GSK3B: variants seen among roughly 807,000 people sequenced by gnomAD.
GSK3B encodes glycogen synthase kinase-3 beta.
A neutral mutation model predicts 56.4 loss-of-function variants in GSK3B; 15 were observed. The observed-to-expected ratio is 0.27, with a 90% CI of 0.18 to 0.41. The LOEUF is 0.41. Among genes scored for constraint, GSK3B ranks in the 10% least tolerant of loss-of-function variants. The pLI is 1.00. For missense variants in GSK3B, 300 were observed against 513.4 expected (o/e 0.58, Z 4.02); for synonymous variants, 181 against 188.9 (o/e 0.96, Z 0.34).
At chr3:119,844,147 C>A (rs898493783) in intron 9 of GSK3B, among the ~76,000 whole-genome samples, 3 of 152,012 alleles carry the variant, frequency 2.0e-5, no homozygotes, top group African/African-American at 7.2e-5. Context: ...CACAACATAC[C>A]AGAATCTCTG....
chr3:120,052,879 C>G (rs2058161751), intron 1 of GSK3B, among the ~76,000 whole-genome samples: 1 of 152,136 alleles, frequency 6.6e-6, no homozygotes, highest in Admixed American at 6.5e-5. Flanking sequence ...ACCTCAATAG[C>G]CGTGTGAGAT....
chr3:119,830,981 C>T (rs942706402), intron 10 of GSK3B, among the ~76,000 whole-genome samples: 1 of 152,144 alleles, frequency 6.6e-6, no homozygotes. Context: ...CCAACATCAT[C>T]ACCAAAGTAA....
At chr3:119,906,884 A>G (rs185534250) in intron 6 of GSK3B, among the ~76,000 whole-genome samples, 1 of 152,214 alleles carries the variant, frequency 6.6e-6, no homozygotes, top group East Asian at 1.9e-4. Flanking sequence ...GAGAGACTGG[A>G]AATCGTTGCT....
intron 10 of GSK3B, among the ~76,000 whole-genome samples, chr3:119,836,173 G>T (rs972367925): frequency 3.3e-5 from 5 of 152,198 alleles, no homozygotes; most frequent in African/African-American, 1.2e-4. Context: ...TGATTTTGTG[G>T]CTAAAGTCTT....
intron 1 of GSK3B, among the ~76,000 whole-genome samples, chr3:120,088,049 C>T (rs369366929): frequency 1.5e-4 from 23 of 152,262 alleles, no homozygotes; most frequent in East Asian, 7.7e-4. Context: ...CACACCACCA[C>T]GCCCCCGCTA....
At chr3:119,829,668 T>C (rs747263412) in intron 10 of GSK3B, among the ~76,000 whole-genome samples, 18 of 152,240 alleles carry the variant, frequency 1.2e-4, no homozygotes, top group Admixed American at 6.5e-4. Context: ...TGTGAGCTTG[T>C]GACATTGCCA....
At chr3:119,953,898 A>G (rs1439336911) in intron 2 of GSK3B, among the ~76,000 whole-genome samples, 1 of 152,036 alleles carries the variant, frequency 6.6e-6, no homozygotes, top group Non-Finnish European at 1.5e-5. Flanking sequence ...AATTTACTAT[A>G]TGTTCTCTTG....
chr3:119,833,466 C>T (rs1306541854), intron 10 of GSK3B, among the ~76,000 whole-genome samples: 1 of 152,102 alleles, frequency 6.6e-6, no homozygotes, highest in Non-Finnish European at 1.5e-5. Flanking sequence ...AATATAGTAG[C>T]TGCTAACTAC....
At chr3:119,885,231 C>T (rs1444614427) in intron 7 of GSK3B, among the ~76,000 whole-genome samples, 1 of 145,292 alleles carries the variant, frequency 6.9e-6, no homozygotes, top group African/African-American at 2.6e-5. Flanking sequence ...ACAACACAAT[C>T]CTATTTACAA....
chr3:119,883,944 C>G (rs564412486), intron 7 of GSK3B, among the ~76,000 whole-genome samples: 35 of 152,144 alleles, frequency 2.3e-4, no homozygotes, highest in African/African-American at 8.4e-4. Flanking sequence ...GAGATCTCCA[C>G]CAAGTGGTGA....
At chr3:119,946,196 A>T (rs1034040269) in intron 3 of GSK3B, among the ~76,000 whole-genome samples, 10 of 152,136 alleles carry the variant, frequency 6.6e-5, no homozygotes, top group Non-Finnish European at 8.8e-5. Context: ...CAATTATATG[A>T]CTGTAGGTAT....
chr3:120,063,995 T>C (rs565135260), intron 1 of GSK3B, among the ~76,000 whole-genome samples: 1 of 151,832 alleles, frequency 6.6e-6, no homozygotes, highest in African/African-American at 2.4e-5. Context: ...TCAAAAAAAA[T>C]TAAATAAATA....
At position 119,826,242 on chromosome 3, in the gene GSK3B, C is replaced by T; in HGVS notation, c.*546G>A. Reference sequence around the variant, plus strand: ...GTCTGCCACACCTGCCACCAACATGCCAAAGGCAAGTCTATAAATACCCGA... The same window carrying T: ...GTCTGCCACACCTGCCACCAACATGTCAAAGGCAAGTCTATAAATACCCGA... On this transcript the variant is annotated 3_prime_UTR_variant, in exon 11 of 11. Transcript: ENST00000264235. 7.3e-6 allele frequency: 2 copies of T among 273,970 alleles called. No individual in the cohort carries two copies. Among genetic ancestry groups the T allele is most frequent in the Non-Finnish European group, 7.0e-6 (1 of 143,492 alleles). 17.0% of individuals were successfully genotyped at this position (273,970 alleles called of 1,614,324 possible).
intron 4 of GSK3B, among the ~76,000 whole-genome samples, chr3:119,922,457 T>C (rs2056852952): frequency 6.8e-6 from 1 of 147,880 alleles, no homozygotes; most frequent in Admixed American, 6.8e-5. Context: ...ATATTATATA[T>C]ACTATATATA....
At chr3:120,044,418 T>C (rs1375349865) in intron 1 of GSK3B, among the ~76,000 whole-genome samples, 1 of 151,974 alleles carries the variant, frequency 6.6e-6, no homozygotes, top group Admixed American at 6.6e-5. Flanking sequence ...ACCAAGTAAC[T>C]GGAGCAGCAC....
At chr3:120,001,975 C>T in intron 2 of GSK3B, 71 bp downstream of exon 2, 1 of 1,007,432 alleles carries the variant, frequency 9.9e-7, no homozygotes. Flanking sequence ...AAAGAAGCAA[C>T]TAAAAAAATA....
chr3:119,963,472 T>C (rs2057291122), intron 2 of GSK3B, among the ~76,000 whole-genome samples: 1 of 151,396 alleles, frequency 6.6e-6, no homozygotes, highest in Non-Finnish European at 1.5e-5. Context: ...AACAGTATGA[T>C]ACAAGCATAT....
At chr3:119,955,889 G>A (rs970283778) in intron 2 of GSK3B, among the ~76,000 whole-genome samples, 2 of 152,108 alleles carry the variant, frequency 1.3e-5, no homozygotes, top group Non-Finnish European at 2.9e-5. Flanking sequence ...CTGACCTCTG[G>A]TGATCCGCCT....
chr3:119,841,457 A>C (rs1036651574), intron 10 of GSK3B, among the ~76,000 whole-genome samples: 5 of 152,222 alleles, frequency 3.3e-5, no homozygotes. Flanking sequence ...GTTCAGAGTT[A>C]GGGCCTTTTT....
Sources: allele counts gnomAD v4.1 joint callset (sites outside exome capture counted in the v4.1 genomes callset), GRCh38; gene constraint gnomAD v4.1.1; transcripts MANE v1.5; gene names NCBI Gene and HGNC (gene_info 2026-07-23, HGNC 2026-07-21).